PCDHA4: variants seen among roughly 807,000 people sequenced by gnomAD.
PCDHA4 encodes the protein protocadherin alpha 4, also known as protocadherin alpha-4.
In PCDHA4, 49 loss-of-function variants were observed where a neutral mutation model predicts 61.4. That is an observed-to-expected ratio of 0.80 (90% CI 0.63 to 1.01). The LOEUF is 1.01. Ranked by LOEUF, PCDHA4 falls within the 50% of genes least tolerant of loss-of-function variation. The pLI is 0.00. For missense variants in PCDHA4, 1,254 were observed against 1,235.8 expected, an observed-to-expected ratio of 1.01 and a Z score of -0.22; for synonymous variants, 590 against 550.3, an observed-to-expected ratio of 1.07 and a Z score of -1.01.
At chr5:140,876,181 G>A in intron 1 of PCDHA4, 9 of 1,613,980 alleles carry the variant, frequency 5.6e-6, no homozygotes, top group Non-Finnish European at 7.6e-6. Flanking sequence ...GGATGTGAAT[G>A]ACAATGGTCC....
At chr5:140,916,665 G>A (rs1166692195) in intron 1 of PCDHA4, among the ~76,000 whole-genome samples, 2 of 152,184 alleles carry the variant, frequency 1.3e-5, no homozygotes, top group Non-Finnish European at 2.9e-5. Flanking sequence ...CAAGATGCAA[G>A]ACAAAGTCCT....
intron 1 of PCDHA4, chr5:140,928,625 A>T: frequency 6.2e-7 from 1 of 1,614,224 alleles, no homozygotes; most frequent in African/African-American, 1.3e-5. Flanking sequence ...AGGACTGGAC[A>T]CTTGGTCACA....
In PCDHA4 at chr5:140,853,235, T is replaced by C. The variant is rs2150529918; in HGVS notation, c.2385+43663T>C. Reference sequence around the variant, plus strand: ...TTGATGGGATTGGTAATTTAGTCCTTCATATTAATCTCTATTCTCTCTCAG... The same window carrying C: ...TTGATGGGATTGGTAATTTAGTCCTCCATATTAATCTCTATTCTCTCTCAG... On this transcript the variant is annotated intron_variant, in intron 1 of 3. Coordinates refer to ENST00000530339, the MANE Select transcript of PCDHA4 (RefSeq NM_018907.4). 4 of 980,668 alleles carry C rather than the reference T, an allele frequency of 4.1e-6. No individual in the cohort carries two copies. In the East Asian group the frequency reaches 4.6e-4, roughly 112 times the overall value. The allele number at this position is 980,668 out of a possible 1,614,324, so 60.7% of individuals were successfully genotyped here. A position where few individuals can be genotyped will look rare whatever the true frequency, so the allele number is the denominator to read the frequency against.
rs2150409017 is a variant in PCDHA4, at chr5:140,848,335, G to A, written c.2385+38763G>A. ...TGCCGCGATGTTCTCTCTGAATCCA[G>A]ACAAATACAGCCCTTTTCCCATGGG... On this transcript the variant is annotated intron_variant, in intron 1 of 3. Transcript: ENST00000530339. The A allele has an allele frequency of 1.4e-5, 12 of 865,274 alleles. 2 individuals carry two copies. The highest frequency in any genetic ancestry group is 2.2e-5 in the Non-Finnish European group (12 of 551,794). 53.6% of individuals were successfully genotyped at this position (865,274 alleles called of 1,614,324 possible). A position where few individuals can be genotyped will look rare whatever the true frequency, so the allele number is the denominator to read the frequency against.
At chr5:140,989,363 T>A (rs2097339689) in intron 3 of PCDHA4, among the ~76,000 whole-genome samples, 1 of 152,158 alleles carries the variant, frequency 6.6e-6, no homozygotes, top group Non-Finnish European at 1.5e-5. Flanking sequence ...GTCACCTGTG[T>A]GACTGAGAGC....
chr5:140,911,033 G>A lies in PCDHA4; in HGVS notation c.2386-67916G>A, dbSNP rs188656147. 2.0e-3 allele frequency among the ~76,000 whole-genome samples: 306 copies of A among 152,188 alleles called. 2 individuals are homozygous for A. The highest frequency in any genetic ancestry group is 7.0e-3 in the African/African-American group (291 of 41,532). On this transcript the variant is annotated intron_variant, in intron 1 of 3. Transcript: ENST00000530339. ...GGACTTTAGTCTAGTTATAGGTCTA[G>A]AAGCAAACAGGGGTGGTGGGGGGTG...
At chr5:140,934,574 A>G in intron 1 of PCDHA4, among the ~76,000 whole-genome samples, 1 of 152,124 alleles carries the variant, frequency 6.6e-6, no homozygotes, top group Non-Finnish European at 1.5e-5. Flanking sequence ...AATTAATTGT[A>G]ACATTTCTGT....
At chr5:140,873,722 G>A (rs371744747) in intron 1 of PCDHA4, among the ~76,000 whole-genome samples, 2 of 152,198 alleles carry the variant, frequency 1.3e-5, no homozygotes, top group South Asian at 2.1e-4. Flanking sequence ...GTGCAGTGGC[G>A]CAATCTCAGC....
chr5:140,991,253 C>T (rs912017745), intron 3 of PCDHA4, among the ~76,000 whole-genome samples: 1 of 152,178 alleles, frequency 6.6e-6, no homozygotes, highest in East Asian at 1.9e-4. Context: ...AGTATTTGAA[C>T]TCATGTCTGC....
intron 1 of PCDHA4, chr5:140,870,818 C>A: frequency 6.2e-7 from 1 of 1,613,692 alleles, no homozygotes; most frequent in Non-Finnish European, 8.5e-7. Context: ...GCTGGCAGCG[C>A]GGGAGGCGCA....
At chr5:140,868,935 G>A in intron 1 of PCDHA4, 1 of 1,171,026 alleles carries the variant, frequency 8.5e-7, no homozygotes, top group South Asian at 1.6e-5. Flanking sequence ...TTAAAGGTTG[G>A]TCTGAACAGT....
intron 1 of PCDHA4, chr5:140,854,175 A>AAAAG (rs386405127): frequency 4.4e-6 from 3 of 674,282 alleles, no homozygotes; most frequent in African/African-American, 2.0e-5. Flanking sequence ...AAAAAAAAAA[A>AAAAG]AGAGTAGTTT....
chr5:140,932,063 T>C (rs1020375496), intron 1 of PCDHA4, among the ~76,000 whole-genome samples: 8 of 151,942 alleles, frequency 5.3e-5, no homozygotes, highest in African/African-American at 1.4e-4. Context: ...CTAAAAATTA[T>C]CAGTTTAAGA....
At chr5:140,858,313 G>C (rs781800844) in intron 1 of PCDHA4, 2 of 1,597,108 alleles carry the variant, frequency 1.3e-6, no homozygotes, top group East Asian at 4.5e-5. Context: ...GGCGGCAGAG[G>C]GTGTGTTCTG....
chr5:140,970,625 A>C (rs534910839), intron 1 of PCDHA4, among the ~76,000 whole-genome samples: 1 of 152,316 alleles, frequency 6.6e-6, no homozygotes, highest in Non-Finnish European at 1.5e-5. Context: ...CAAAAGCCAA[A>C]ATTTTGTACC....
intron 1 of PCDHA4, chr5:140,836,466 G>C (rs1554135989): frequency 1.2e-6 from 2 of 1,613,862 alleles, no homozygotes; most frequent in Non-Finnish European, 1.7e-6. Context: ...CGAGCTGGTG[G>C]ATGTCAACGT....
chr5:140,935,380 A>C (rs1188418457), intron 1 of PCDHA4, among the ~76,000 whole-genome samples: 1 of 152,220 alleles, frequency 6.6e-6, no homozygotes, highest in Non-Finnish European at 1.5e-5. Context: ...AGAATTACTC[A>C]TTTGTTATCC....
intron 1 of PCDHA4, among the ~76,000 whole-genome samples, chr5:140,872,172 T>G (rs912989922): frequency 6.6e-6 from 1 of 152,230 alleles, no homozygotes; most frequent in Non-Finnish European, 1.5e-5. Flanking sequence ...TTTCTTTTTT[T>G]TTTTTACAGT....
In PCDHA4 at chr5:140,856,841, G is replaced by C. The variant is rs781868199; in HGVS notation, c.2385+47269G>C. The C allele has an allele frequency of 2.2e-5, 35 of 1,592,304 alleles. 4 individuals are homozygous for C. The Middle Eastern group carries it at 5.0e-4, about 23-fold the overall frequency. ...CCAAACATTAGTAATACGGCTCAAC[G>C]CTTCTGATTCGGATGAAGGAATAAA... On this transcript the variant is annotated intron_variant, in intron 1 of 3. Coordinates refer to ENST00000530339, the MANE Select transcript of PCDHA4 (RefSeq NM_018907.4).
Sources: gnomAD v4.1 joint callset for allele counts (sites outside exome capture counted in the v4.1 genomes callset) on GRCh38, gnomAD v4.1.1 for gene constraint, MANE v1.5 for transcripts, NCBI Gene and HGNC (gene_info 2026-07-23, HGNC 2026-07-21) for gene names.